NEK11: variants seen among roughly 807,000 people sequenced by gnomAD.
The protein encoded by NEK11 is serine/threonine-protein kinase Nek11.
NEK11 carries 72 observed loss-of-function variants against 80.7 expected under a neutral mutation model. The ratio of observed to expected loss-of-function variants is 0.89; its 90% confidence interval spans 0.74 to 1.08. NEK11 has a LOEUF of 1.08. NEK11 is among the 50% of genes least tolerant of loss of function. NEK11 has a pLI of 0.00. For missense variants in NEK11, 764 were observed against 763.6 expected (o/e 1.00, Z -0.01); for synonymous variants, 251 against 260.7 (o/e 0.96, Z 0.36).
chr3:131,239,468 A>G (rs2095488283), intron 15 of NEK11, among the ~76,000 whole-genome samples: 1 of 152,144 alleles, frequency 6.6e-6, no homozygotes, highest in African/African-American at 2.4e-5. Context: ...ATGAAAGCAA[A>G]GCATGCATGC....
chr3:131,145,454 C>T (rs767496253), intron 7 of NEK11, among the ~76,000 whole-genome samples: 1 of 152,150 alleles, frequency 6.6e-6, no homozygotes, highest in Non-Finnish European at 1.5e-5. Flanking sequence ...TGTCTGCCTT[C>T]CTTTTTCCAT....
At chr3:131,185,079 A>G (rs2093543568) in intron 14 of NEK11, among the ~76,000 whole-genome samples, 1 of 152,138 alleles carries the variant, frequency 6.6e-6, no homozygotes, top group Non-Finnish European at 1.5e-5. Context: ...TTTTGTTTGT[A>G]TCAGTTAGTC....
intron 7 of NEK11, among the ~76,000 whole-genome samples, chr3:131,134,514 C>T (rs907428730): frequency 2.0e-5 from 3 of 151,978 alleles, no homozygotes; most frequent in African/African-American, 7.3e-5. Context: ...GATTCTCCTG[C>T]CTCAGCCTCC....
At chr3:131,129,959 G>C (rs2084127278) in intron 5 of NEK11, among the ~76,000 whole-genome samples, 1 of 152,106 alleles carries the variant, frequency 6.6e-6, no homozygotes, top group South Asian at 2.1e-4. Flanking sequence ...GTTTATCAAT[G>C]TCTACAAAAT....
intron 3 of NEK11, among the ~76,000 whole-genome samples, chr3:131,077,178 C>A (rs773023564): frequency 8.5e-5 from 13 of 152,144 alleles, no homozygotes; most frequent in Non-Finnish European, 1.3e-4. Flanking sequence ...CTTGAAATTT[C>A]TCCTGAGTTG....
At chr3:131,238,285 A>G (rs911452442) in intron 15 of NEK11, among the ~76,000 whole-genome samples, 9 of 152,100 alleles carry the variant, frequency 5.9e-5, no homozygotes, top group African/African-American at 2.2e-4. Flanking sequence ...CTGAGTGGCC[A>G]CTATTGCTTA....
rs145712515 is a variant in NEK11, at chr3:131,094,116, G to A, written c.336+13528G>A. Among the ~76,000 whole-genome samples the A allele has an allele frequency of 7.4e-3, 1,121 of 150,650 alleles. 12 individuals are homozygous for A. The highest frequency in any genetic ancestry group is 0.025 in the African/African-American group (1,040 of 40,890). On this transcript the variant is annotated intron_variant, in intron 4 of 17. Transcript: ENST00000383366. ...GAGATATAGGGATCCAAGGCTTGAG[G>A]CCCTGAAATTTTGCAGTAGTGTGGG...
At chr3:131,258,199 C>T (rs1267331905) in intron 16 of NEK11, among the ~76,000 whole-genome samples, 3 of 152,174 alleles carry the variant, frequency 2.0e-5, no homozygotes, top group African/African-American at 4.8e-5. Flanking sequence ...TAAAAGACTA[C>T]ACATGGGGCA....
chr3:131,058,028 C>T (rs1577576194), intron 3 of NEK11, among the ~76,000 whole-genome samples: 24 of 151,084 alleles, frequency 1.6e-4, no homozygotes, highest in Admixed American at 3.3e-4. Context: ...TTAGGTCTAA[C>T]ATTTAAGTCT....
intron 17 of NEK11, among the ~76,000 whole-genome samples, chr3:131,296,444 T>C (rs1426613910): frequency 6.6e-6 from 1 of 152,188 alleles, no homozygotes; most frequent in Non-Finnish European, 1.5e-5. Flanking sequence ...CCTGAGTTTC[T>C]GACCTATGTT....
chr3:131,169,070 G>A lies in NEK11; in HGVS notation c.1284+133G>A, dbSNP rs185930785. On this transcript the variant is annotated intron_variant, in intron 13 of 17. Transcript: ENST00000383366. ...AGGGTTTTAAATGTAGCAGGAAAAAGCTTCATTGAGCTGAAAAAGATGAAA... is the reference window on the plus strand; with the variant it reads ...AGGGTTTTAAATGTAGCAGGAAAAAACTTCATTGAGCTGAAAAAGATGAAA... The A allele has an allele frequency of 4.2e-3, 2,326 of 560,340 alleles. 13 individuals carry two copies. The highest frequency in any genetic ancestry group is 5.9e-3 in the Non-Finnish European group (1,852 of 314,992). 34.7% of individuals were successfully genotyped at this position (560,340 alleles called of 1,614,324 possible). A position where few individuals can be genotyped will look rare whatever the true frequency, so the allele number is the denominator to read the frequency against.
At chr3:131,063,827 T>G (rs750511411) in intron 3 of NEK11, among the ~76,000 whole-genome samples, 4 of 152,120 alleles carry the variant, frequency 2.6e-5, no homozygotes, top group Non-Finnish European at 4.4e-5. Context: ...CATTCCTAGG[T>G]ACATACCCAA....
intron 17 of NEK11, among the ~76,000 whole-genome samples, chr3:131,306,336 A>C (rs2096723337): frequency 2.0e-5 from 3 of 152,156 alleles, no homozygotes; most frequent in Admixed American, 2.0e-4. Context: ...ATGGGCCTTT[A>C]GTAATGTTGC....
intron 16 of NEK11, among the ~76,000 whole-genome samples, chr3:131,247,124 TAA>T (rs2095615881): frequency 1.3e-5 from 2 of 152,152 alleles, no homozygotes; most frequent in South Asian, 4.1e-4. Context: ...TTAGTTTAAT[TAA>T]GTCCCATCTA....
chr3:131,027,469 AC>A (rs1364329504), intron 1 of NEK11: 1 of 151,778 alleles, frequency 6.6e-6, no homozygotes, highest in East Asian at 1.9e-4. Flanking sequence ...TTCTTAACTA[AC>A]CTTTTTTCTC....
At chr3:131,336,972 C>T (rs974884360) in intron 17 of NEK11, among the ~76,000 whole-genome samples, 3 of 152,118 alleles carry the variant, frequency 2.0e-5, no homozygotes, top group South Asian at 2.1e-4. Flanking sequence ...ACAACAGGTG[C>T]TGGAGAGGAT....
chr3:131,278,177 C>T (rs2096332430), intron 17 of NEK11, among the ~76,000 whole-genome samples: 1 of 152,170 alleles, frequency 6.6e-6, no homozygotes, highest in South Asian at 2.1e-4. Flanking sequence ...TTGCCATTCT[C>T]CAACTGACTT....
chr3:131,275,201 A>T (rs1318210275), intron 17 of NEK11, among the ~76,000 whole-genome samples: 1 of 151,926 alleles, frequency 6.6e-6, no homozygotes, highest in African/African-American at 2.4e-5. Flanking sequence ...AACTACCTCC[A>T]CCTCTCCTTG....
chr3:131,188,288 T>G (rs1369758936), intron 14 of NEK11, among the ~76,000 whole-genome samples: 1 of 152,210 alleles, frequency 6.6e-6, no homozygotes, highest in Non-Finnish European at 1.5e-5. Flanking sequence ...GTCAGTGGTA[T>G]TTCTTTTTCC....
Sources: allele counts gnomAD v4.1 joint callset (sites outside exome capture counted in the v4.1 genomes callset), GRCh38; gene constraint gnomAD v4.1.1; transcripts MANE v1.5; gene names NCBI Gene and HGNC (gene_info 2026-07-23, HGNC 2026-07-21).